The following ROBO4 variants were observed in gnomAD, a reference collection of about 807,000 sequenced individuals.
The protein encoded by ROBO4 is roundabout homolog 4.
In ROBO4, 80 loss-of-function variants were observed where a neutral mutation model predicts 103.3. The ratio of observed to expected loss-of-function variants is 0.77; its 90% confidence interval spans 0.65 to 0.93. The LOEUF (loss-of-function observed/expected upper bound fraction) is 0.93, where lower values mean the gene tolerates loss of function less well. Among genes scored for constraint, ROBO4 ranks in the 40% least tolerant of loss-of-function variants. The pLI is 0.00. For synonymous variants in ROBO4, 504 were observed against 529.7 expected, an observed-to-expected ratio of 0.95 and a Z score of 0.67; for missense variants, 1,333 against 1,305.3, an observed-to-expected ratio of 1.02 and a Z score of -0.33.
rs12226461 is a variant in ROBO4 at position 124,896,307 on chromosome 11, C to T, written c.570G>A (p.Gly190=). The part of the protein sequence containing the change: ...LQPGRHTVSG[G]SLLMARAEKS... ...TCTCTGCTCTTGCCATCAGCAGGGA[C>T]CCCCCGGACACCTGTCAGGGCCAGG... Residue 190 remains glycine, a synonymous_variant, in exon 4 of 18, where the codon GGG becomes GGA. Coordinates refer to ENST00000306534, the MANE Select transcript of ROBO4 (RefSeq NM_019055.6). 0.036 allele frequency: 57,707 copies of T among 1,613,618 alleles called. 1,310 individuals are homozygous for T. The highest frequency in any genetic ancestry group is 0.076 in the East Asian group (3,396 of 44,868).
chr11:124,891,999 T>C, intron 10 of ROBO4, 197 bp from the exon 11 acceptor site: 3 of 734,412 alleles, frequency 4.1e-6, no homozygotes, highest in Non-Finnish European at 7.2e-6. Context: ...CCTTTCTTAT[T>C]CCTGGATGAG....
chr11:124,890,211 G>A (rs1166575108), intron 12 of ROBO4, among the ~76,000 whole-genome samples: 4 of 152,198 alleles, frequency 2.6e-5, no homozygotes, highest in Admixed American at 6.5e-5. Flanking sequence ...CTGAGGCAAA[G>A]CTGGTAAGAA....
In ROBO4 at chr11:124,885,130, C is replaced by T. The variant is rs368968468; in HGVS notation, c.2912G>A (p.Arg971Gln). ...CCAGGGAGGCATCCCCCTTCCCAGC[C>T]GCTGGGTGTGGCTGACCTCCATGTC... ...LEDMEVSHTQRLGRGMPPWPP... is the reference protein window; with the variant it reads ...LEDMEVSHTQQLGRGMPPWPP... Residue 971 changes from arginine to glutamine, a missense_variant, in exon 17 of 18, where the codon CGG (arginine) becomes CAG (glutamine). Coordinates refer to ENST00000306534, the MANE Select transcript of ROBO4 (RefSeq NM_019055.6). 24 of 1,614,014 alleles carry T rather than the reference C, an allele frequency of 1.5e-5. No homozygotes were observed. The highest frequency in any genetic ancestry group is 8.9e-5 in the East Asian group (4 of 44,888).
At chr11:124,891,857 C>A (rs998589616) in intron 10 of ROBO4, 55 bp from the exon 11 acceptor site, 9 of 1,600,332 alleles carry the variant, frequency 5.6e-6, no homozygotes, top group Non-Finnish European at 6.8e-6. Flanking sequence ...AAGTGAGAAC[C>A]TTTTTGGCCA....
intron 12 of ROBO4, among the ~76,000 whole-genome samples, chr11:124,891,072 G>A (rs545041032): frequency 6.6e-6 from 1 of 152,346 alleles, no homozygotes; most frequent in Non-Finnish European, 1.5e-5. Flanking sequence ...TGCTGGTGTA[G>A]CCAAACTGAA....
At position 124,884,384 on chromosome 11, in the gene ROBO4, TG is replaced by T. The variant is rs1946679072; in HGVS notation, c.*506del. 3 of 173,598 alleles carry T rather than the reference TG, an allele frequency of 1.7e-5. No homozygotes were observed. The highest frequency in any genetic ancestry group is 4.8e-5 in the African/African-American group (2 of 41,980). 10.8% of individuals were successfully genotyped at this position (173,598 alleles called of 1,614,324 possible). A position where few individuals can be genotyped will look rare whatever the true frequency, so the allele number is the denominator to read the frequency against. ...ATGAGGTAGGGCCTCAGTGCCTCAGTGGCATTCATAATTATTTTCTTTCCAT... is the reference window on the plus strand; with the variant it reads ...ATGAGGTAGGGCCTCAGTGCCTCAGTGCATTCATAATTATTTTCTTTCCAT... On this transcript the variant is annotated 3_prime_UTR_variant, in exon 18 of 18. Transcript: ENST00000306534.
At chr11:124,887,563 C>T (rs1946736653) in intron 13 of ROBO4, 64 bp from the exon 14 acceptor site, 3 of 1,598,672 alleles carry the variant, frequency 1.9e-6, no homozygotes, top group Non-Finnish European at 2.6e-6. Context: ...GCTCAGCCTG[C>T]CGGCCTGCCC....
chr11:124,887,141 G>T lies in ROBO4; in HGVS notation c.2271C>A (p.Cys757Ter), dbSNP rs1167035631. The T allele has an allele frequency of 1.2e-6, 2 of 1,612,542 alleles. No individual in the cohort carries two copies. The highest frequency in any genetic ancestry group is 1.7e-6 in the Non-Finnish European group (2 of 1,179,270). Reference sequence around the variant, plus strand: ...AAGAGGCCTGGGGGCTAGGGGGACTGCAGGGGCTAAGGATGGGGATGGGGG... The same window carrying T: ...AAGAGGCCTGGGGGCTAGGGGGACTTCAGGGGCTAAGGATGGGGATGGGGG... ...PAAPIPILSP[C>*]SPPSPQASSL... Residue 757 changes from cysteine to a stop codon, truncating the protein, a stop_gained, in exon 15 of 18, where the codon TGC (cysteine) becomes TGA (stop). Coordinates refer to ENST00000306534, the MANE Select transcript of ROBO4 (RefSeq NM_019055.6). LOFTEE classifies it high-confidence loss of function.
At chr11:124,888,636 T>C (rs1946753954) in intron 12 of ROBO4, among the ~76,000 whole-genome samples, 1 of 152,012 alleles carries the variant, frequency 6.6e-6, no homozygotes, top group South Asian at 2.1e-4. Flanking sequence ...GTGAGAAGAG[T>C]CACCTAGAAG....
chr11:124,884,601 C>G lies in ROBO4; in HGVS notation c.*290G>C. 1.9e-6 allele frequency: 1 copy of G among 524,734 alleles called. No homozygotes were observed. The highest frequency in any genetic ancestry group is 3.4e-6 in the Non-Finnish European group (1 of 294,256). The allele number at this position is 524,734 out of a possible 1,614,324, so 32.5% of individuals were successfully genotyped here. A position where few individuals can be genotyped will look rare whatever the true frequency, so the allele number is the denominator to read the frequency against. ...GGAAGAGCAGCAGGCAGGGCTGCTC[C>G]TCAGGCCAAAACAACCTGGTGGTGG... On this transcript the variant is annotated 3_prime_UTR_variant, in exon 18 of 18. Transcript: ENST00000306534.
rs910475520 is a variant in ROBO4, at chr11:124,897,767, C to G, written c.29G>C (p.Gly10Ala). The G allele has an allele frequency of 1.2e-6, 2 of 1,613,946 alleles. No individual in the cohort carries two copies. Among genetic ancestry groups the G allele is most frequent in the Admixed American group, 1.7e-5 (1 of 60,008 alleles). The stretch of plus-strand genomic sequence containing the variant: ...CAGCAGAGGCAGGGAACCCCTGCCC[C>G]CCAGGAGGCTGTCTCCTCCAGAGCC... MGSGGDSLL[G>A]GRGSLPLLLL... Residue 10 changes from glycine to alanine, a missense_variant, in exon 1 of 18, where the codon GGG (glycine) becomes GCG (alanine). By Grantham distance (60) the Gly-to-Ala change is moderately conservative (BLOSUM62 0). Coordinates refer to ENST00000306534, the MANE Select transcript of ROBO4 (RefSeq NM_019055.6).
rs1296693595 is a variant in ROBO4 at position 124,891,311 on chromosome 11, T to C, written c.1936A>G (p.Lys646Glu). 1 of 1,518,058 alleles carries C rather than the reference T, an allele frequency of 6.6e-7. No individual in the cohort carries two copies. Among genetic ancestry groups the C allele is most frequent in the East Asian group, 2.3e-5 (1 of 44,042 alleles). 94.0% of individuals were successfully genotyped at this position (1,518,058 alleles called of 1,614,324 possible). A position where few individuals can be genotyped will look rare whatever the true frequency, so the allele number is the denominator to read the frequency against. Residue 646 changes from lysine (K) to glutamate (E), a missense_variant, in exon 12 of 18, where the codon AAA (lysine) becomes GAA (glutamate). Lys to Glu is a moderately conservative substitution (Grantham distance 56). Transcript: ENST00000306534. ...TCCCCCTCCTTACCCTGCTTCTTTTTGGCCTTCCAAGCCTCTGCAGGGGCC... is the reference window on the plus strand; with the variant it reads ...TCCCCCTCCTTACCCTGCTTCTTTTCGGCCTTCCAAGCCTCTGCAGGGGCC... ...SLAPAEAWKA[K>E]KKQELQHANS...
chr11:124,895,279 A>C (rs1591536413), intron 6 of ROBO4, 86 bp from the exon 7 acceptor site: 1 of 1,225,984 alleles, frequency 8.2e-7, no homozygotes, highest in Non-Finnish European at 1.2e-6. Context: ...CAGCGTCAGA[A>C]CCCTACTGAA....
At position 124,895,557 on chromosome 11, in the gene ROBO4, G is replaced by A; in HGVS notation, c.936C>T (p.Gly312=). The A allele has an allele frequency of 6.2e-7, 1 of 1,612,862 alleles. No homozygotes were observed. Residue 312 remains glycine, a synonymous_variant, in exon 6 of 18, where the codon GGC becomes GGT. Coordinates refer to ENST00000306534, the MANE Select transcript of ROBO4 (RefSeq NM_019055.6). ...ACTCGTAGTCTTGGCCCCAGTGGAG[G>A]CCTCCAAGCTCTGCGCTCTGCCAGC... ...LAGWQSAELG[G]LHWGQDYEFK... is the part of the protein sequence containing the mutation.
In ROBO4 at chr11:124,894,102, G is replaced by A. The variant is rs370567306; in HGVS notation, c.1319-57C>T. 30 of 1,547,276 alleles carry A rather than the reference G, an allele frequency of 1.9e-5. 1 individual carries two copies. In the African/African-American group the frequency reaches 3.7e-4, roughly 19 times the overall value. ...GAGTCGAGGCATTGAGGGCCTGGCAGGCAAGGGGGAAGAGCTGGAAGTGTG... is the reference window on the plus strand; with the variant it reads ...GAGTCGAGGCATTGAGGGCCTGGCAAGCAAGGGGGAAGAGCTGGAAGTGTG... On this transcript the variant is annotated intron_variant, in intron 8 of 17. Coordinates refer to ENST00000306534, the MANE Select transcript of ROBO4 (RefSeq NM_019055.6).
At chr11:124,890,102 G>A (rs1258142973) in intron 12 of ROBO4, among the ~76,000 whole-genome samples, 1 of 152,186 alleles carries the variant, frequency 6.6e-6, no homozygotes, top group African/African-American at 2.4e-5. Context: ...ATTAAAGTTG[G>A]TGTAGTTCTC....
chr11:124,896,899 G>T, intron 2 of ROBO4, 33 bp downstream of exon 2: 1 of 1,595,436 alleles, frequency 6.3e-7, no homozygotes, highest in Non-Finnish European at 8.5e-7. Context: ...ACCCAGGTTT[G>T]CCCCACCCTG....
chr11:124,893,131 G>A (rs997188094), intron 10 of ROBO4: 5 of 159,496 alleles, frequency 3.1e-5, no homozygotes, highest in Admixed American at 2.9e-4. Context: ...CAAGAAGGAT[G>A]TGTTCTCTAT....
rs1342790309 is a variant in ROBO4 at position 124,893,867 on chromosome 11, C to T, written c.1497G>A (p.Leu499=). The change falls in exon 9 of 18, where the codon CTG becomes CTA. Residue 499 remains leucine, a synonymous_variant. Coordinates refer to ENST00000306534, the MANE Select transcript of ROBO4 (RefSeq NM_019055.6). The part of the protein sequence containing the change: ...IHRRRRARVH[L]GPGLYRYTSE... ...TCCCCCTCAGACTCTCACCTGGGCC[C>T]AGGTGCACCCTAGCTCGGCGCCGGC... is the stretch of plus-strand genomic sequence containing the variant. 1.2e-6 allele frequency: 2 copies of T among 1,613,114 alleles called. No individual in the cohort carries two copies. The highest frequency in any genetic ancestry group is 1.3e-5 in the African/African-American group (1 of 74,892).
Sources: allele counts gnomAD v4.1 joint callset (sites outside exome capture counted in the v4.1 genomes callset), GRCh38; gene constraint gnomAD v4.1.1; transcripts MANE v1.5; gene names NCBI Gene and HGNC (gene_info 2026-07-23, HGNC 2026-07-21).